NCAM1: variants seen among roughly 807,000 people sequenced by gnomAD.
The protein encoded by NCAM1 is antigen recognized by monoclonal antibody 5.1H11.
In NCAM1, 14 loss-of-function variants were observed where a neutral mutation model predicts 109.8. The ratio of observed to expected loss-of-function variants is 0.13; its 90% CI spans 0.08 to 0.20. The LOEUF (loss-of-function observed/expected upper bound fraction) is 0.20, where lower values mean the gene tolerates loss of function less well. Ranked by LOEUF, NCAM1 falls within the 10% of genes least tolerant of loss-of-function variation. The pLI is 1.00. For missense variants in NCAM1, 774 were observed against 1,109.9 expected (o/e 0.70, Z 4.30); for synonymous variants, 418 against 442.9 (o/e 0.94, Z 0.70).
chr11:113,153,491 T>C (rs1555102898), intron 1 of NCAM1, among the ~76,000 whole-genome samples: 1 of 151,952 alleles, frequency 6.6e-6, no homozygotes, highest in Non-Finnish European at 1.5e-5. Context: ...TGTGTGTGTG[T>C]ATGTGGCAAA....
intron 1 of NCAM1, among the ~76,000 whole-genome samples, chr11:113,000,848 A>ATATATATATATATACT (rs1951732943): frequency 1.8e-4 from 1 of 5,604 alleles, no homozygotes; most frequent in Non-Finnish European, 4.0e-4. Flanking sequence ...ATATATATAT[A>ATATATATATATATACT]CACAAAAAAT....
At chr11:113,110,163 C>T (rs1555093375) in intron 1 of NCAM1, among the ~76,000 whole-genome samples, 1 of 152,054 alleles carries the variant, frequency 6.6e-6, no homozygotes, top group African/African-American at 2.4e-5. Context: ...TGGATCAGTT[C>T]AGTGAATTAT....
chr11:112,988,915 T>A (rs976888279), intron 1 of NCAM1, among the ~76,000 whole-genome samples: 1 of 152,020 alleles, frequency 6.6e-6, no homozygotes, highest in Non-Finnish European at 1.5e-5. Context: ...ACCTGGCCAA[T>A]TTTTATATTT....
chr11:113,243,775 A>G (rs764119350), intron 14 of NCAM1: 78 of 283,674 alleles, frequency 2.7e-4, no homozygotes, highest in Non-Finnish European at 5.2e-5. Context: ...AAGCAGAACA[A>G]GAAGGCAGAA....
chr11:113,221,387 A>C (rs1346767993), intron 9 of NCAM1, 62 bp downstream of exon 9: 23 of 1,507,948 alleles, frequency 1.5e-5, no homozygotes, highest in Middle Eastern at 3.4e-4. Context: ...TTAACTCACC[A>C]TTGCAGTTTA....
intron 1 of NCAM1, among the ~76,000 whole-genome samples, chr11:113,014,593 C>A (rs1004875475): frequency 2.0e-5 from 3 of 152,172 alleles, no homozygotes; most frequent in Non-Finnish European, 4.4e-5. Flanking sequence ...AAACACAAAA[C>A]TATATGTTAT....
chr11:113,069,739 T>G (rs1239883514), intron 1 of NCAM1, among the ~76,000 whole-genome samples: 4 of 152,202 alleles, frequency 2.6e-5, no homozygotes, highest in African/African-American at 7.2e-5. Context: ...ATTCTTAATA[T>G]GCAGGATTGA....
intron 1 of NCAM1, among the ~76,000 whole-genome samples, chr11:113,044,378 T>TA (rs1179266454): frequency 6.6e-6 from 1 of 152,076 alleles, no homozygotes; most frequent in Non-Finnish European, 1.5e-5. Context: ...CATACACACA[T>TA]ACATGCTGTA....
At chr11:113,172,421 G>A (rs1943025191) in intron 1 of NCAM1, among the ~76,000 whole-genome samples, 1 of 152,124 alleles carries the variant, frequency 6.6e-6, no homozygotes, top group Non-Finnish European at 1.5e-5. Context: ...TCCTCATTGT[G>A]TTCTGGAATT....
chr11:113,056,017 A>G (rs1232888742), intron 1 of NCAM1, among the ~76,000 whole-genome samples: 4 of 121,258 alleles, frequency 3.3e-5, no homozygotes, highest in Non-Finnish European at 5.1e-5. Flanking sequence ...ATATATATAT[A>G]TATATATAAA....
rs781958911 is a variant in NCAM1 at position 113,242,860 on chromosome 11, T to C, written c.1826-3508T>C. 10 of 1,613,844 alleles carry C rather than the reference T, an allele frequency of 6.2e-6. No individual in the cohort carries two copies. The South Asian group carries it at 1.1e-4, about 18-fold the overall frequency. On this transcript the variant is annotated intron_variant, in intron 14 of 19. Transcript: ENST00000316851. The stretch of plus-strand genomic sequence containing the variant: ...CAGAACCAGCTAGTGAGTACAGGGC[T>C]GAGTTGCTCTCGGCCAGACCTCTGA...
intron 1 of NCAM1, among the ~76,000 whole-genome samples, chr11:113,098,681 G>A (rs1857306159): frequency 6.6e-6 from 1 of 152,152 alleles, no homozygotes; most frequent in African/African-American, 2.4e-5. Context: ...GACTCCTTGA[G>A]GAGGGACATT....
intron 1 of NCAM1, among the ~76,000 whole-genome samples, chr11:113,036,699 T>C (rs10502164): frequency 0.14 from 20,557 of 152,112 alleles, 1,432 homozygotes; most frequent in African/African-American, 0.15. Context: ...GCTATTATCA[T>C]AATTCTCACT....
At chr11:113,096,841 A>G (rs1555090535) in intron 1 of NCAM1, among the ~76,000 whole-genome samples, 2 of 151,974 alleles carry the variant, frequency 1.3e-5, no homozygotes, top group Non-Finnish European at 2.9e-5. Flanking sequence ...ACCATCCCCC[A>G]GATACACCCT....
intron 1 of NCAM1, among the ~76,000 whole-genome samples, chr11:113,090,560 C>T (rs1217807019): frequency 4.6e-5 from 7 of 152,158 alleles, no homozygotes; most frequent in Admixed American, 3.3e-4. Context: ...CACAATGCCA[C>T]CGCATCACCA....
At chr11:113,130,605 G>A (rs1941349534) in intron 1 of NCAM1, 1 of 152,180 alleles carries the variant, frequency 6.6e-6, no homozygotes, top group South Asian at 2.1e-4. Flanking sequence ...ATACCTTTGT[G>A]ACATCATTTG....
At chr11:113,107,572 G>A (rs568585644) in intron 1 of NCAM1, among the ~76,000 whole-genome samples, 2 of 152,226 alleles carry the variant, frequency 1.3e-5, no homozygotes, top group East Asian at 3.9e-4. Flanking sequence ...AAGGGGAAAG[G>A]CATTTCTTAT....
intron 14 of NCAM1, chr11:113,236,450 A>G: frequency 1.1e-6 from 1 of 920,926 alleles, no homozygotes; most frequent in South Asian, 1.5e-5. Flanking sequence ...CCCTAACCAC[A>G]CTGACCTTAG....
chr11:113,157,869 C>T (rs1185151306), intron 1 of NCAM1, among the ~76,000 whole-genome samples: 1 of 151,814 alleles, frequency 6.6e-6, no homozygotes. Context: ...TACTGAATAC[C>T]CTTCAATAGA....
Sources: allele counts gnomAD v4.1 joint callset (sites outside exome capture counted in the v4.1 genomes callset), GRCh38; gene constraint gnomAD v4.1.1; transcripts MANE v1.5; gene names NCBI Gene and HGNC (gene_info 2026-07-23, HGNC 2026-07-21).